The following ACER2 variants were observed in gnomAD, a reference collection of about 807,000 sequenced individuals.
ACER2 encodes alkCDase 2.
ACER2 carries 26 observed loss-of-function variants against 34.7 expected under a neutral mutation model. The ratio of observed to expected loss-of-function variants is 0.75; its 90% CI spans 0.55 to 1.04. The LOEUF (loss-of-function observed/expected upper bound fraction) is 1.04, where lower values mean the gene tolerates loss of function less well. Ranked by LOEUF, ACER2 falls within the 50% of genes least tolerant of loss-of-function variation. The pLI is 0.00. For synonymous variants in ACER2, 138 were observed against 132.1 expected (o/e 1.04, Z -0.31); for missense variants, 352 against 340.8 (o/e 1.03, Z -0.26).
chr9:19,427,982 CTT>C (rs1304157734), intron 3 of ACER2, among the ~76,000 whole-genome samples: 1 of 134,490 alleles, frequency 7.4e-6, no homozygotes, highest in Non-Finnish European at 1.6e-5. Flanking sequence ...TTCCTTTTTC[CTT>C]TTTCCTTTCC....
At chr9:19,445,414 G>T (rs1265233310) in intron 4 of ACER2, among the ~76,000 whole-genome samples, 4 of 152,238 alleles carry the variant, frequency 2.6e-5, no homozygotes, top group Non-Finnish European at 5.9e-5. Flanking sequence ...AAACACATAA[G>T]TGAAACACAG....
intron 1 of ACER2, among the ~76,000 whole-genome samples, chr9:19,411,800 G>T (rs564562423): frequency 6.6e-6 from 1 of 152,272 alleles, no homozygotes; most frequent in African/African-American, 2.4e-5. Context: ...CCTTCTTAAT[G>T]GGTCTTAGGG....
intron 3 of ACER2, among the ~76,000 whole-genome samples, chr9:19,425,078 C>G (rs977014263): frequency 6.6e-6 from 1 of 152,172 alleles, no homozygotes; most frequent in Non-Finnish European, 1.5e-5. Flanking sequence ...AGTACATCAC[C>G]TCTCTGTACC....
intron 1 of ACER2, among the ~76,000 whole-genome samples, chr9:19,418,904 T>C (rs1273496140): frequency 6.6e-6 from 1 of 152,046 alleles, no homozygotes; most frequent in Non-Finnish European, 1.5e-5. Context: ...AGCCTACTGC[T>C]GGCCGGGTGC....
intron 1 of ACER2, among the ~76,000 whole-genome samples, chr9:19,421,404 C>T (rs1202222540): frequency 6.6e-6 from 1 of 151,816 alleles, no homozygotes; most frequent in Non-Finnish European, 1.5e-5. Flanking sequence ...TGTTATCCAA[C>T]CATAAAAAAG....
At chr9:19,443,947 G>A (rs1013241442) in intron 4 of ACER2, among the ~76,000 whole-genome samples, 19 of 152,094 alleles carry the variant, frequency 1.2e-4, no homozygotes, top group African/African-American at 3.6e-4. Context: ...GTGAGCTCCC[G>A]GCCTCTAGGC....
chr9:19,433,877 A>G (rs1386179187), intron 3 of ACER2, among the ~76,000 whole-genome samples: 1 of 141,410 alleles, frequency 7.1e-6, no homozygotes, highest in Non-Finnish European at 1.5e-5. Context: ...GGTGCCCCTC[A>G]CCTCCCGGAC....
intron 3 of ACER2, among the ~76,000 whole-genome samples, chr9:19,428,845 G>A (rs1039719319): frequency 5.0e-5 from 7 of 140,658 alleles, no homozygotes; most frequent in African/African-American, 1.6e-4. Context: ...GCTAGAGAGC[G>A]GTGGTGCGAT....
chr9:19,409,192 G>C lies in ACER2; in HGVS notation c.108G>C (p.Thr36=), dbSNP rs777766936. 1.3e-6 allele frequency: 2 copies of C among 1,581,554 alleles called. No homozygotes were observed. The highest frequency in any genetic ancestry group is 1.8e-5 in the Admixed American group (1 of 54,852). The change falls in exon 1 of 6, where the codon ACG becomes ACC. Residue 36 remains threonine, a splice_region_variant and synonymous_variant. Coordinates refer to ENST00000340967, the MANE Select transcript of ACER2 (RefSeq NM_001010887.3). ...IVPAIAEFYN[T]ISNVLFFILP... is the part of the protein sequence containing the mutation. Reference sequence around the variant, plus strand: ...CTGCTATCGCCGAGTTCTACAACACGGTGCGGGGCGCGGGAGCGGGGAAGG... The same window carrying C: ...CTGCTATCGCCGAGTTCTACAACACCGTGCGGGGCGCGGGAGCGGGGAAGG...
At chr9:19,420,665 G>A (rs372116963) in intron 1 of ACER2, among the ~76,000 whole-genome samples, 37 of 152,288 alleles carry the variant, frequency 2.4e-4, no homozygotes, top group Admixed American at 8.5e-4. Flanking sequence ...GCCTTAGTCC[G>A]TTCATGCTGC....
intron 1 of ACER2, 111 bp downstream of exon 1, chr9:19,409,303 T>C: frequency 9.5e-7 from 1 of 1,051,064 alleles, no homozygotes; most frequent in Non-Finnish European, 1.4e-6. Flanking sequence ...GGGGGCATTC[T>C]CTCCAGGGGC....
intron 4 of ACER2, among the ~76,000 whole-genome samples, chr9:19,443,348 A>T (rs980553001): frequency 6.6e-6 from 1 of 151,918 alleles, no homozygotes; most frequent in Non-Finnish European, 1.5e-5. Context: ...TTGTGTTTTT[A>T]GTAGATACGG....
rs796800016 is a variant in ACER2, at chr9:19,439,491, T to C, written c.503+4407T>C. On this transcript the variant is annotated intron_variant, in intron 4 of 5. Coordinates refer to ENST00000340967, the MANE Select transcript of ACER2 (RefSeq NM_001010887.3). The stretch of plus-strand genomic sequence containing the variant: ...AGTAGAGTAGTTGGGATTACAGGTG[T>C]GTGCCACCATGCCTGGCTAATTTTT... Among the ~76,000 whole-genome samples, 7 of 152,230 alleles carry C rather than the reference T, an allele frequency of 4.6e-5. 1 individual carries two copies. The highest frequency in any genetic ancestry group is 1.7e-4 in the African/African-American group (7 of 41,536).
At chr9:19,425,646 G>A (rs1427463176) in intron 3 of ACER2, among the ~76,000 whole-genome samples, 1 of 152,218 alleles carries the variant, frequency 6.6e-6, no homozygotes, top group Admixed American at 6.5e-5. Flanking sequence ...TAAGGGTATA[G>A]TGGTGACTTA....
At chr9:19,429,842 C>G (rs1028563218) in intron 3 of ACER2, among the ~76,000 whole-genome samples, 1 of 152,112 alleles carries the variant, frequency 6.6e-6, no homozygotes, top group African/African-American at 2.4e-5. Flanking sequence ...GTTGAAGTAG[C>G]TCTCTGAGGT....
chr9:19,433,541 C>G (rs1392224878), intron 3 of ACER2, among the ~76,000 whole-genome samples: 1 of 152,140 alleles, frequency 6.6e-6, no homozygotes, highest in Admixed American at 6.5e-5. Context: ...TGAAAAGTCT[C>G]CCATGTCTAC....
At chr9:19,444,686 A>G (rs1399108057) in intron 4 of ACER2, among the ~76,000 whole-genome samples, 2 of 152,200 alleles carry the variant, frequency 1.3e-5, no homozygotes, top group Admixed American at 6.5e-5. Flanking sequence ...CCCTGGAGAG[A>G]AGGAGAGGGT....
chr9:19,409,634 A>C (rs1183629805), intron 1 of ACER2: 2 of 560,908 alleles, frequency 3.6e-6, no homozygotes, highest in African/African-American at 4.1e-5. Context: ...TGGGAAGAGC[A>C]CGCCCCCCGC....
chr9:19,409,207 AG>A lies in ACER2; in HGVS notation c.108+16del. On this transcript the variant is annotated intron_variant, in intron 1 of 5. Coordinates refer to ENST00000340967, the MANE Select transcript of ACER2 (RefSeq NM_001010887.3). Reference sequence around the variant, plus strand: ...TCTACAACACGGTGCGGGGCGCGGGAGCGGGGAAGGCAGGCGGGCCAGCGGG... The same window carrying A: ...TCTACAACACGGTGCGGGGCGCGGGACGGGGAAGGCAGGCGGGCCAGCGGG... The A allele has an allele frequency of 6.4e-7, 1 of 1,569,468 alleles. No homozygotes were observed. The highest frequency in any genetic ancestry group is 1.9e-5 in the Admixed American group (1 of 53,080).
Sources: allele counts gnomAD v4.1 joint callset (sites outside exome capture counted in the v4.1 genomes callset), GRCh38; gene constraint gnomAD v4.1.1; transcripts MANE v1.5; gene names NCBI Gene and HGNC (gene_info 2026-07-23, HGNC 2026-07-21).